The following FCHSD2 variants were observed in gnomAD, a reference collection of about 807,000 sequenced individuals.
FCHSD2 encodes the protein FCH and double SH3 domains 2, also known as F-BAR and double SH3 domains protein 2.
Under a neutral mutation model 108.1 loss-of-function variants are expected in FCHSD2, and 38 were observed. The ratio of observed to expected loss-of-function variants is 0.35; its 90% confidence interval spans 0.27 to 0.46. The LOEUF (loss-of-function observed/expected upper bound fraction) is 0.46. FCHSD2 is among the 20% of genes least tolerant of loss of function. The pLI is 1.00. For synonymous variants in FCHSD2, 279 were observed against 314.7 expected (o/e 0.89, Z 1.20); for missense variants, 751 against 897.8 (o/e 0.84, Z 2.09).
At chr11:73,048,195 C>T (rs1167833860) in intron 3 of FCHSD2, among the ~76,000 whole-genome samples, 1 of 152,134 alleles carries the variant, frequency 6.6e-6, no homozygotes, top group African/African-American at 2.4e-5. Flanking sequence ...ATAGCTAGAG[C>T]AGCAGGATAT....
At chr11:72,995,899 A>C (rs1266754198) in intron 5 of FCHSD2, among the ~76,000 whole-genome samples, 1 of 152,158 alleles carries the variant, frequency 6.6e-6, no homozygotes, top group Non-Finnish European at 1.5e-5. Context: ...CTAAGAAAAA[A>C]ATTTAAAAAG....
In FCHSD2 at chr11:72,841,588, A is replaced by T. The variant is rs747510209; in HGVS notation, c.1927-5T>A. 11 of 1,596,710 alleles carry T rather than the reference A, an allele frequency of 6.9e-6. No homozygotes were observed. The South Asian group carries it at 1.1e-4, about 16-fold the overall frequency. ...TGGCTTGGGGGAAGGAGAGATCTGC[A>T]GCAAAGGGAAGCGAGGTTACCCGGT... On this transcript the variant is annotated splice_polypyrimidine_tract_variant and splice_region_variant and intron_variant, in intron 17 of 19. Coordinates refer to ENST00000409418, the MANE Select transcript of FCHSD2 (RefSeq NM_014824.3).
At chr11:73,009,154 T>G (rs7936751) in intron 4 of FCHSD2, among the ~76,000 whole-genome samples, 58,716 of 151,930 alleles carry the variant, frequency 0.39, 11,909 homozygotes, top group East Asian at 0.55. Context: ...TTTAAAAGAC[T>G]GATTACATGC....
At chr11:72,993,564 GA>G (rs1167082971) in intron 5 of FCHSD2, among the ~76,000 whole-genome samples, 2 of 152,160 alleles carry the variant, frequency 1.3e-5, no homozygotes, top group African/African-American at 2.4e-5. Flanking sequence ...ATACACCATG[GA>G]ATACTATGCA....
intron 9 of FCHSD2, among the ~76,000 whole-genome samples, chr11:72,917,356 T>C (rs1354415705): frequency 6.6e-6 from 1 of 152,224 alleles, no homozygotes; most frequent in African/African-American, 2.4e-5. Flanking sequence ...TCTTTCTCTA[T>C]TGAATAGTCA....
In FCHSD2 at chr11:73,118,911, T is replaced by C. The variant is rs533832822; in HGVS notation, c.119+21120A>G. 1.2e-3 allele frequency among the ~76,000 whole-genome samples: 179 copies of C among 152,330 alleles called. 1 individual carries two copies. The highest frequency in any genetic ancestry group is 4.1e-3 in the African/African-American group (172 of 41,578). On this transcript the variant is annotated intron_variant, in intron 2 of 19. Transcript: ENST00000409418. ...GTTCCTGAGCCCTCTCTTAGACACA[T>C]ACTACACAACATGTATGATATCAAT...
chr11:73,083,271 C>CT (rs1331417182), intron 3 of FCHSD2, among the ~76,000 whole-genome samples: 1 of 152,162 alleles, frequency 6.6e-6, no homozygotes, highest in African/African-American at 2.4e-5. Flanking sequence ...AAGAAAAGGG[C>CT]TGGGCACAGT....
At chr11:73,047,330 G>A (rs1858793177) in intron 3 of FCHSD2, among the ~76,000 whole-genome samples, 1 of 151,758 alleles carries the variant, frequency 6.6e-6, no homozygotes, top group Non-Finnish European at 1.5e-5. Flanking sequence ...GAAGAAAAGT[G>A]GTCAGCTTCA....
chr11:72,873,555 C>T (rs1854907810), intron 12 of FCHSD2, among the ~76,000 whole-genome samples: 1 of 152,044 alleles, frequency 6.6e-6, no homozygotes, highest in South Asian at 2.1e-4. Flanking sequence ...TTGATAGTGT[C>T]ATTTGAAACA....
chr11:72,935,070 T>G (rs1049805947), intron 8 of FCHSD2, among the ~76,000 whole-genome samples: 1 of 151,634 alleles, frequency 6.6e-6, no homozygotes, highest in African/African-American at 2.4e-5. Context: ...GAACCTAAAC[T>G]CCCAAACTCA....
At chr11:73,061,996 C>T (rs931018103) in intron 3 of FCHSD2, among the ~76,000 whole-genome samples, 1 of 152,130 alleles carries the variant, frequency 6.6e-6, no homozygotes, top group Non-Finnish European at 1.5e-5. Context: ...GGTCCCTGAC[C>T]CCTGTTCCTC....
intron 13 of FCHSD2, among the ~76,000 whole-genome samples, chr11:72,866,267 TTTTG>T (rs199797090): frequency 2.9e-3 from 432 of 151,566 alleles, no homozygotes; most frequent in East Asian, 0.017. Context: ...TTTTGTTTTG[TTTTG>T]TTTTTTTTGT....
At chr11:73,126,356 A>AAAAAG (rs1860858420) in intron 2 of FCHSD2, among the ~76,000 whole-genome samples, 3 of 128,088 alleles carry the variant, frequency 2.3e-5, no homozygotes, top group Non-Finnish European at 5.1e-5. Flanking sequence ...AAAAAAAAAA[A>AAAAAG]AAAAAAAAAA....
intron 9 of FCHSD2, among the ~76,000 whole-genome samples, chr11:72,909,235 C>T (rs1455065849): frequency 6.6e-6 from 1 of 152,110 alleles, no homozygotes; most frequent in Non-Finnish European, 1.5e-5. Context: ...CGGGGTTTCG[C>T]CCTGTTGACC....
chr11:73,004,483 A>C (rs1857697901), intron 4 of FCHSD2, among the ~76,000 whole-genome samples: 1 of 152,190 alleles, frequency 6.6e-6, no homozygotes, highest in East Asian at 1.9e-4. Context: ...GTCCTATAAG[A>C]ACCCACAATC....
At chr11:73,121,735 C>T (rs915888974) in intron 2 of FCHSD2, among the ~76,000 whole-genome samples, 1 of 151,238 alleles carries the variant, frequency 6.6e-6, no homozygotes, top group Admixed American at 6.6e-5. Flanking sequence ...TAAACAATAG[C>T]TATAATTTAT....
At chr11:72,999,090 T>C (rs1244543126) in intron 5 of FCHSD2, among the ~76,000 whole-genome samples, 1 of 152,192 alleles carries the variant, frequency 6.6e-6, no homozygotes, top group Non-Finnish European at 1.5e-5. Context: ...GATCCACCCA[T>C]GCTTGAAGTC....
chr11:73,038,643 C>A (rs1198011052), intron 3 of FCHSD2, among the ~76,000 whole-genome samples: 1 of 152,086 alleles, frequency 6.6e-6, no homozygotes, highest in Non-Finnish European at 1.5e-5. Flanking sequence ...GGGAGCTAAA[C>A]ATTGAATACA....
At chr11:72,856,794 T>C (rs1441521299) in intron 13 of FCHSD2, among the ~76,000 whole-genome samples, 1 of 152,234 alleles carries the variant, frequency 6.6e-6, no homozygotes, top group African/African-American at 2.4e-5. Flanking sequence ...CTTATGATTC[T>C]ATTGTTTTCC....
Sources: gnomAD v4.1 joint callset for allele counts (sites outside exome capture counted in the v4.1 genomes callset) on GRCh38, gnomAD v4.1.1 for gene constraint, MANE v1.5 for transcripts, NCBI Gene and HGNC (gene_info 2026-07-23, HGNC 2026-07-21) for gene names.